ITPR2: variants seen among roughly 807,000 people sequenced by gnomAD.
ITPR2 encodes inositol 1,4,5-trisphosphate receptor type 2, also known as inositol 1,4,5-trisphosphate-gated calcium channel ITPR2.
A neutral mutation model predicts 317.1 loss-of-function variants in ITPR2; 207 were observed. The ratio of observed to expected loss-of-function variants is 0.65; its 90% CI spans 0.58 to 0.73. ITPR2 has a LOEUF of 0.73. Ranked by LOEUF, ITPR2 falls within the 30% of genes least tolerant of loss-of-function variation. The probability of loss-of-function intolerance (pLI) is 0.00; values close to 1 mark genes in which losing one functional copy is unlikely to be tolerated. For missense variants in ITPR2, 2,613 were observed against 3,284.0 expected, an observed-to-expected ratio of 0.80 and a Z score of 4.99; for synonymous variants, 1,156 against 1,149.1, an observed-to-expected ratio of 1.01 and a Z score of -0.12.
intron 37 of ITPR2, among the ~76,000 whole-genome samples, chr12:26,521,271 T>A (rs1440949285): frequency 6.6e-6 from 1 of 152,206 alleles, no homozygotes; most frequent in Non-Finnish European, 1.5e-5. Context: ...TGATACTGTA[T>A]TATTATTTAT....
chr12:26,667,893 G>A (rs1320054739), intron 13 of ITPR2, among the ~76,000 whole-genome samples: 3 of 132,280 alleles, frequency 2.3e-5, no homozygotes, highest in Admixed American at 8.2e-5. Context: ...TGATGACGAC[G>A]AACATTAACA....
intron 5 of ITPR2, among the ~76,000 whole-genome samples, chr12:26,718,933 A>G (rs952715471): frequency 6.6e-6 from 1 of 152,174 alleles, no homozygotes; most frequent in African/African-American, 2.4e-5. Flanking sequence ...TAAGAGACCA[A>G]TCATATAGCC....
chr12:26,700,793 G>A (rs1384296375), intron 9 of ITPR2, among the ~76,000 whole-genome samples: 1 of 152,226 alleles, frequency 6.6e-6, no homozygotes, highest in Non-Finnish European at 1.5e-5. Flanking sequence ...GGACCCAAAT[G>A]AAGATAATAA....
At chr12:26,364,541 C>G (rs1290133684) in intron 55 of ITPR2, among the ~76,000 whole-genome samples, 5 of 152,152 alleles carry the variant, frequency 3.3e-5, no homozygotes, top group Non-Finnish European at 7.3e-5. Context: ...TGTCTAAACT[C>G]TAGTCTCCAG....
chr12:26,727,441 T>C (rs906536434), intron 2 of ITPR2, among the ~76,000 whole-genome samples: 2 of 152,228 alleles, frequency 1.3e-5, no homozygotes, highest in African/African-American at 4.8e-5. Flanking sequence ...GAGAAAAAAT[T>C]GTGTTTCTCT....
At chr12:26,800,500 C>T (rs10842793) in intron 1 of ITPR2, among the ~76,000 whole-genome samples, 37,849 of 152,126 alleles carry the variant, frequency 0.25, 4,935 homozygotes, top group Non-Finnish European at 0.28. Context: ...TGGTGGTACA[C>T]CCCTGTAGTC....
At chr12:26,712,414 A>C (rs1170889205) in intron 8 of ITPR2, among the ~76,000 whole-genome samples, 4 of 152,278 alleles carry the variant, frequency 2.6e-5, no homozygotes, top group African/African-American at 9.6e-5. Flanking sequence ...CAGATAAGAT[A>C]ATAATTATGA....
intron 45 of ITPR2, among the ~76,000 whole-genome samples, chr12:26,458,054 T>C (rs1044128035): frequency 6.6e-6 from 1 of 152,132 alleles, no homozygotes; most frequent in African/African-American, 2.4e-5. Flanking sequence ...ATGGAAATGT[T>C]TGGTGAGGAG....
intron 1 of ITPR2, among the ~76,000 whole-genome samples, chr12:26,806,756 T>C (rs1950644981): frequency 6.6e-6 from 1 of 152,182 alleles, no homozygotes; most frequent in Non-Finnish European, 1.5e-5. Context: ...CCCACTCTGG[T>C]CTCAAGCACG....
chr12:26,602,236 CA>C (rs1295192452), intron 28 of ITPR2, 133 bp downstream of exon 28: 26 of 829,538 alleles, frequency 3.1e-5, no homozygotes, highest in Non-Finnish European at 4.2e-5. Context: ...CAAAAGGGCT[CA>C]GGGGTGATGG....
At chr12:26,573,334 C>A (rs1262532777) in intron 34 of ITPR2, among the ~76,000 whole-genome samples, 1 of 152,178 alleles carries the variant, frequency 6.6e-6, no homozygotes, top group African/African-American at 2.4e-5. Flanking sequence ...CTCTGTGAAA[C>A]TCCCAGCCTA....
At chr12:26,576,990 C>T (rs1180243899) in intron 34 of ITPR2, among the ~76,000 whole-genome samples, 3 of 152,186 alleles carry the variant, frequency 2.0e-5, no homozygotes, top group Non-Finnish European at 4.4e-5. Context: ...CTTTCACTCT[C>T]TCTCTCTCTC....
intron 1 of ITPR2, among the ~76,000 whole-genome samples, chr12:26,792,420 G>A (rs1950357256): frequency 6.6e-6 from 1 of 151,404 alleles, no homozygotes; most frequent in African/African-American, 2.4e-5. Context: ...CCAAAATCCT[G>A]GAACAACTTC....
At chr12:26,616,682 A>T (rs1946380955) in intron 26 of ITPR2, among the ~76,000 whole-genome samples, 1 of 152,172 alleles carries the variant, frequency 6.6e-6, no homozygotes, top group Non-Finnish European at 1.5e-5. Flanking sequence ...AATCTCAACA[A>T]ACCCAAAACA....
chr12:26,725,007 A>G (rs1051791881), intron 3 of ITPR2, among the ~76,000 whole-genome samples: 2 of 152,168 alleles, frequency 1.3e-5, no homozygotes, highest in African/African-American at 4.8e-5. Context: ...CAGTAATTAA[A>G]TAAATGATTA....
At chr12:26,467,815 T>C (rs1396089365) in intron 45 of ITPR2, among the ~76,000 whole-genome samples, 2 of 152,052 alleles carry the variant, frequency 1.3e-5, no homozygotes, top group Non-Finnish European at 2.9e-5. Flanking sequence ...TGAGAGGTCA[T>C]TTAAATGGCC....
At chr12:26,564,093 G>A (rs1439275638) in intron 34 of ITPR2, among the ~76,000 whole-genome samples, 1 of 152,120 alleles carries the variant, frequency 6.6e-6, no homozygotes, top group Non-Finnish European at 1.5e-5. Context: ...AAATGTCCTT[G>A]CATACATAAA....
intron 50 of ITPR2, among the ~76,000 whole-genome samples, chr12:26,418,647 A>T (rs1940798362): frequency 6.6e-6 from 1 of 152,160 alleles, no homozygotes; most frequent in South Asian, 2.1e-4. Flanking sequence ...CTAAAGGTAC[A>T]CATAATTTTT....
intron 34 of ITPR2, among the ~76,000 whole-genome samples, chr12:26,574,215 T>TAA (rs76496267): frequency 5.8e-5 from 8 of 137,628 alleles, no homozygotes; most frequent in Admixed American, 1.4e-4. Flanking sequence ...GGGAACCTGT[T>TAA]AAAAAAAAAA....
Sources: gnomAD v4.1 joint callset for allele counts (sites outside exome capture counted in the v4.1 genomes callset) on GRCh38, gnomAD v4.1.1 for gene constraint, MANE v1.5 for transcripts, NCBI Gene and HGNC (gene_info 2026-07-23, HGNC 2026-07-21) for gene names.